The following ARHGAP26 variants were observed in gnomAD, a reference collection of about 807,000 sequenced individuals.
ARHGAP26 encodes Rho GTPase activating protein 26.
In ARHGAP26, 38 loss-of-function variants were observed where a neutral mutation model predicts 104.8. That is an observed-to-expected ratio of 0.36 (90% CI 0.28 to 0.48). The LOEUF (loss-of-function observed/expected upper bound fraction) is 0.48, where lower values mean the gene tolerates loss of function less well. Among genes scored for constraint, ARHGAP26 ranks in the 20% least tolerant of loss-of-function variants. The probability of loss-of-function intolerance (pLI) is 0.99; values close to 1 mark genes in which losing one functional copy is unlikely to be tolerated. For missense variants in ARHGAP26, 704 were observed against 947.9 expected (o/e 0.74, Z 3.38); for synonymous variants, 341 against 340.0 (o/e 1.00, Z -0.03).
At chr5:142,889,758 G>C (rs1449915454) in intron 5 of ARHGAP26, among the ~76,000 whole-genome samples, 1 of 152,084 alleles carries the variant, frequency 6.6e-6, no homozygotes, top group East Asian at 1.9e-4. Context: ...GCTAATGAAA[G>C]GCCAGGACAA....
intron 20 of ARHGAP26, among the ~76,000 whole-genome samples, chr5:143,195,042 A>G (rs1554264932): frequency 6.6e-6 from 1 of 152,038 alleles, no homozygotes; most frequent in Non-Finnish European, 1.5e-5. Context: ...TTAGACTACT[A>G]AATAAGCACC....
chr5:143,007,148 T>TC (rs2152801799), intron 11 of ARHGAP26, among the ~76,000 whole-genome samples: 1 of 137,764 alleles, frequency 7.3e-6, no homozygotes, highest in East Asian at 2.1e-4. Context: ...TGAGCCGAGA[T>TC]CGCACCACTG....
rs75800490 is a variant in ARHGAP26 at position 142,897,909 on chromosome 5, A to C, written c.597+3561A>C. 2.8e-3 allele frequency among the ~76,000 whole-genome samples: 420 copies of C among 152,324 alleles called. 9 individuals are homozygous for C. The East Asian group carries it at 0.049, about 18-fold the overall frequency. ...GCTTACAGGTGGGAAAGAAACCAGC[A>C]AGAAGTCTATTGAACTAAATTGCTG... On this transcript the variant is annotated intron_variant, in intron 6 of 22. Transcript: ENST00000645722.
chr5:143,127,560 A>G (rs1002077103), intron 18 of ARHGAP26, among the ~76,000 whole-genome samples: 2 of 152,340 alleles, frequency 1.3e-5, no homozygotes, highest in South Asian at 4.1e-4. Context: ...GAGAGGAGCT[A>G]GCAATCATGG....
intron 1 of ARHGAP26, among the ~76,000 whole-genome samples, chr5:142,812,711 A>T (rs1355287329): frequency 6.6e-6 from 1 of 151,920 alleles, no homozygotes. Flanking sequence ...TAATTAAAAA[A>T]AATTTTTTTA....
chr5:143,203,908 G>T (rs6860834), intron 20 of ARHGAP26, among the ~76,000 whole-genome samples: 3 of 151,798 alleles, frequency 2.0e-5, no homozygotes, highest in Non-Finnish European at 4.4e-5. Flanking sequence ...TCACACACCG[G>T]GGCCTGTCAG....
intron 17 of ARHGAP26, among the ~76,000 whole-genome samples, chr5:143,078,674 A>T (rs1308352500): frequency 6.6e-6 from 1 of 152,232 alleles, no homozygotes; most frequent in Non-Finnish European, 1.5e-5. Context: ...AATAATTTAA[A>T]CCTGTCCTAG....
chr5:142,824,611 G>C (rs192306762), intron 1 of ARHGAP26, among the ~76,000 whole-genome samples: 41 of 152,270 alleles, frequency 2.7e-4, no homozygotes, highest in African/African-American at 9.4e-4. Flanking sequence ...AAAGGAGGTT[G>C]ATTACACAGC....
chr5:142,782,008 C>T (rs1447461212), intron 1 of ARHGAP26, among the ~76,000 whole-genome samples: 2 of 152,182 alleles, frequency 1.3e-5, no homozygotes, highest in Non-Finnish European at 2.9e-5. Flanking sequence ...AGCCACTGCG[C>T]CTGGCCGATT....
rs190785276 is a variant in ARHGAP26 at position 143,065,718 on chromosome 5, C to T, written c.1538+7971C>T. 1.3e-3 allele frequency among the ~76,000 whole-genome samples: 199 copies of T among 152,310 alleles called. 4 individuals carry two copies. Among genetic ancestry groups the T allele is most frequent in the Middle Eastern group, 3.4e-3 (1 of 294 alleles). The stretch of plus-strand genomic sequence containing the variant: ...GGCTCCGCTGCCCTTCCTGCAAGTG[C>T]AGCCTGGTAGCCTGGAGCCTCATGC... On this transcript the variant is annotated intron_variant, in intron 17 of 22. Coordinates refer to ENST00000645722, the MANE Select transcript of ARHGAP26 (RefSeq NM_001135608.3).
chr5:142,946,485 T>A (rs1006875141), intron 11 of ARHGAP26: 1 of 152,202 alleles, frequency 6.6e-6, no homozygotes, highest in East Asian at 1.9e-4. Flanking sequence ...CAAAAGAAAG[T>A]TCTTATAAGA....
intron 20 of ARHGAP26, among the ~76,000 whole-genome samples, chr5:143,203,890 G>A (rs558364127): frequency 2.0e-5 from 3 of 152,132 alleles, no homozygotes; most frequent in African/African-American, 7.2e-5. Context: ...GACACAGGGA[G>A]GGGAACATCA....
intron 17 of ARHGAP26, among the ~76,000 whole-genome samples, chr5:143,075,789 C>A (rs894787934): frequency 1.3e-5 from 2 of 152,074 alleles, no homozygotes; most frequent in Admixed American, 1.3e-4. Context: ...ACCTCTGCCT[C>A]CCGGGCTCCA....
chr5:143,134,895 G>C (rs1156650308), intron 19 of ARHGAP26, among the ~76,000 whole-genome samples: 2 of 152,270 alleles, frequency 1.3e-5, no homozygotes, highest in Non-Finnish European at 2.9e-5. Context: ...GACATGGCAA[G>C]GGCCAATTAC....
chr5:143,086,104 A>G (rs994717982), intron 17 of ARHGAP26, among the ~76,000 whole-genome samples: 2 of 152,316 alleles, frequency 1.3e-5, no homozygotes, highest in Non-Finnish European at 2.9e-5. Flanking sequence ...CACCTGTAAA[A>G]GAACAGGAGT....
At chr5:143,153,802 A>T (rs1599262640) in intron 20 of ARHGAP26, among the ~76,000 whole-genome samples, 1 of 152,168 alleles carries the variant, frequency 6.6e-6, no homozygotes, top group Admixed American at 6.5e-5. Flanking sequence ...ACGCTCATGC[A>T]TTTCCAAGTT....
intron 10 of ARHGAP26, among the ~76,000 whole-genome samples, chr5:142,916,407 C>G (rs1562074328): frequency 6.6e-6 from 1 of 152,200 alleles, no homozygotes; most frequent in Non-Finnish European, 1.5e-5. Context: ...ACCACGTGCA[C>G]TCAGTTACAG....
At chr5:143,036,812 T>G (rs536129988) in intron 12 of ARHGAP26, among the ~76,000 whole-genome samples, 1 of 152,344 alleles carries the variant, frequency 6.6e-6, no homozygotes, top group African/African-American at 2.4e-5. Flanking sequence ...GACCACTTAA[T>G]TTGTGCTTTT....
chr5:142,785,297 G>A (rs935257584), intron 1 of ARHGAP26, among the ~76,000 whole-genome samples: 1 of 152,200 alleles, frequency 6.6e-6, no homozygotes. Context: ...TTCCTTCAGT[G>A]CATCCAAACA....
Sources: allele counts gnomAD v4.1 joint callset (sites outside exome capture counted in the v4.1 genomes callset), GRCh38; gene constraint gnomAD v4.1.1; transcripts MANE v1.5; gene names NCBI Gene and HGNC (gene_info 2026-07-23, HGNC 2026-07-21).